Variants in RANBP17 observed in about 807,000 individuals in gnomAD.
The protein encoded by RANBP17 is ran-binding protein 17.
RANBP17 carries 158 observed loss-of-function variants against 141.2 expected under a neutral mutation model. The ratio of observed to expected loss-of-function variants is 1.12; its 90% CI spans 0.98 to 1.28. RANBP17 has a LOEUF of 1.28. RANBP17 is among the 50% of genes most tolerant of loss of function. The pLI is 0.00. For synonymous variants in RANBP17, 430 were observed against 450.0 expected (o/e 0.96, Z 0.56); for missense variants, 1,438 against 1,290.7 (o/e 1.11, Z -1.75).
At chr5:170,888,613 C>T (rs1199371957) in intron 3 of RANBP17, among the ~76,000 whole-genome samples, 2 of 152,008 alleles carry the variant, frequency 1.3e-5, no homozygotes, top group Non-Finnish European at 2.9e-5. Context: ...TTTGTCAGTT[C>T]TTTCATATTT....
At chr5:171,064,604 C>G (rs1784176946) in intron 14 of RANBP17, among the ~76,000 whole-genome samples, 1 of 152,174 alleles carries the variant, frequency 6.6e-6, no homozygotes, top group Non-Finnish European at 1.5e-5. Context: ...TCAAGTGATC[C>G]TCCCACTTTA....
intron 14 of RANBP17, among the ~76,000 whole-genome samples, chr5:171,081,397 G>A (rs1360827366): frequency 1.3e-5 from 2 of 152,122 alleles, no homozygotes; most frequent in Non-Finnish European, 2.9e-5. Context: ...TGATTTATGA[G>A]ATATTAGATT....
In RANBP17 at chr5:170,918,781, G is replaced by T; in HGVS notation, c.1023G>T (p.Gln341His). The T allele has an allele frequency of 6.2e-7, 1 of 1,607,074 alleles. No homozygotes were observed. Among genetic ancestry groups the T allele is most frequent in the Non-Finnish European group, 8.5e-7 (1 of 1,175,478 alleles). The change falls in exon 10 of 28, where the codon CAG becomes CAT. Residue 341 changes from glutamine to histidine, a missense_variant. Transcript: ENST00000523189. ...TGGCTCGTTTAAAGACAAATTATCA[G>T]CTGGGAGAATTAGTTATGGTGAAGG... ...RFLARLKTNY[Q>H]LGELVMVKEY...
At chr5:170,866,967 G>A (rs1044535499) in intron 1 of RANBP17, 2 of 152,202 alleles carry the variant, frequency 1.3e-5, no homozygotes, top group African/African-American at 2.4e-5. Flanking sequence ...AAGTTCATCA[G>A]TAATATTGAC....
At chr5:171,112,310 A>C (rs1037859596) in intron 14 of RANBP17, among the ~76,000 whole-genome samples, 5 of 152,118 alleles carry the variant, frequency 3.3e-5, no homozygotes, top group African/African-American at 4.8e-5. Context: ...ACTATCTGTA[A>C]AATTTTTTTC....
At chr5:171,091,570 G>A (rs998646106) in intron 14 of RANBP17, among the ~76,000 whole-genome samples, 1 of 152,180 alleles carries the variant, frequency 6.6e-6, no homozygotes, top group Non-Finnish European at 1.5e-5. Context: ...TGAGATTTGG[G>A]AGGGGCCAGG....
intron 22 of RANBP17, among the ~76,000 whole-genome samples, chr5:171,227,448 G>A (rs1006496829): frequency 1.3e-5 from 2 of 152,220 alleles, no homozygotes; most frequent in African/African-American, 4.8e-5. Flanking sequence ...AGGTGAGGAG[G>A]CTACAGAAGA....
rs143662191 is a variant in RANBP17, at chr5:171,241,053, G to A, written c.2548G>A (p.Val850Ile). 9.8e-4 allele frequency: 1,589 copies of A among 1,613,812 alleles called. 9 individuals carry two copies. The highest frequency in any genetic ancestry group is 6.0e-4 in the Non-Finnish European group (710 of 1,179,906). ...GTGTGGAAATTATGTCAGCTTTGGC[G>A]TCTTCAAGTTGTATGGGGACAACCA... ...ALCGNYVSFG[V>I]FKLYGDNHFD... Residue 850 changes from valine (V) to isoleucine (I), a missense_variant, in exon 23 of 28, where the codon GTC (valine) becomes ATC (isoleucine). Coordinates refer to ENST00000523189, the MANE Select transcript of RANBP17 (RefSeq NM_022897.5).
At chr5:171,044,427 T>C (rs1322392694) in intron 14 of RANBP17, among the ~76,000 whole-genome samples, 1 of 152,102 alleles carries the variant, frequency 6.6e-6, no homozygotes, top group Non-Finnish European at 1.5e-5. Context: ...GCAATTTTAA[T>C]TCATTAAGCC....
chr5:171,047,450 T>TC (rs1782669188), intron 14 of RANBP17, among the ~76,000 whole-genome samples: 1 of 150,564 alleles, frequency 6.6e-6, no homozygotes, highest in Non-Finnish European at 1.5e-5. Flanking sequence ...TTGTTTTTTT[T>TC]TTTTGAGATG....
intron 14 of RANBP17, among the ~76,000 whole-genome samples, chr5:171,155,094 A>AATGT (rs1758789525): frequency 5.3e-5 from 4 of 74,964 alleles, no homozygotes; most frequent in African/African-American, 1.6e-4. Flanking sequence ...AAAAAAAAAA[A>AATGT]ATATATATAT....
At chr5:171,033,881 C>G (rs185649606) in intron 14 of RANBP17, among the ~76,000 whole-genome samples, 1 of 152,114 alleles carries the variant, frequency 6.6e-6, no homozygotes, top group Non-Finnish European at 1.5e-5. Context: ...TGATTTGATA[C>G]CACGACAATT....
intron 18 of RANBP17, among the ~76,000 whole-genome samples, chr5:171,195,252 T>G (rs940150830): frequency 6.6e-6 from 1 of 152,232 alleles, no homozygotes; most frequent in African/African-American, 2.4e-5. Context: ...TATATACATT[T>G]GGAACACTAA....
chr5:171,073,788 TACAA>T (rs1784759176), intron 14 of RANBP17, among the ~76,000 whole-genome samples: 1 of 151,278 alleles, frequency 6.6e-6, no homozygotes, highest in African/African-American at 2.4e-5. Context: ...ACAGGTAAAA[TACAA>T]GATGAGCCTG....
intron 11 of RANBP17, among the ~76,000 whole-genome samples, chr5:170,922,537 C>A (rs1018023217): frequency 6.6e-6 from 1 of 152,180 alleles, no homozygotes; most frequent in African/African-American, 2.4e-5. Flanking sequence ...GACCCCCCTT[C>A]CCCCGTCAAG....
chr5:170,931,933 A>G (rs1423596763), intron 12 of RANBP17, among the ~76,000 whole-genome samples: 1 of 152,074 alleles, frequency 6.6e-6, no homozygotes, highest in Non-Finnish European at 1.5e-5. Context: ...GTTTTTTCCT[A>G]TTCTGTGAAG....
intron 14 of RANBP17, among the ~76,000 whole-genome samples, chr5:171,063,378 A>C (rs532912373): frequency 6.6e-6 from 1 of 152,220 alleles, no homozygotes; most frequent in East Asian, 1.9e-4. Flanking sequence ...TCCTTCTAAC[A>C]GACAGGACCC....
intron 24 of RANBP17, among the ~76,000 whole-genome samples, chr5:171,246,606 A>G (rs770088660): frequency 1.3e-5 from 2 of 152,242 alleles, no homozygotes; most frequent in African/African-American, 2.4e-5. Flanking sequence ...TTGGCTGGAC[A>G]TTCTTTTATC....
At chr5:170,909,036 T>C (rs1055308060) in intron 5 of RANBP17, among the ~76,000 whole-genome samples, 1 of 151,928 alleles carries the variant, frequency 6.6e-6, no homozygotes, top group Non-Finnish European at 1.5e-5. Flanking sequence ...AATAGTATAA[T>C]TTTGAATATA....
Sources: gnomAD v4.1 joint callset for allele counts (sites outside exome capture counted in the v4.1 genomes callset) on GRCh38, gnomAD v4.1.1 for gene constraint, MANE v1.5 for transcripts, NCBI Gene and HGNC (gene_info 2026-07-23, HGNC 2026-07-21) for gene names.